Variants in TRPA1 observed in about 807,000 individuals in gnomAD.
TRPA1 encodes the protein ankyrin-like with transmembrane domains 1.
Under a neutral mutation model 131.3 loss-of-function variants are expected in TRPA1, and 129 were observed. The ratio of observed to expected loss-of-function variants is 0.98; its 90% CI spans 0.85 to 1.14. The LOEUF is 1.14. TRPA1 is among the 50% of genes most tolerant of loss of function. The pLI, the probability that TRPA1 is intolerant of heterozygous loss-of-function variation, is 0.00. For missense variants in TRPA1, 1,304 were observed against 1,354.2 expected (o/e 0.96, Z 0.58); for synonymous variants, 441 against 451.7 (o/e 0.98, Z 0.30).
intron 8 of TRPA1, among the ~76,000 whole-genome samples, chr8:72,059,004 T>C (rs1805740042): frequency 6.6e-6 from 1 of 152,176 alleles, no homozygotes; most frequent in African/African-American, 2.4e-5. Context: ...GGATAGGAGT[T>C]TCCCCCCGTG....
Position 72,046,512 on chromosome 8 carries a change from C to G in TRPA1, c.2061+1G>C, listed in dbSNP as rs773757888. The G allele has an allele frequency of 2.6e-6, 4 of 1,539,498 alleles. No individual in the cohort carries two copies. Among genetic ancestry groups the G allele is most frequent in the East Asian group, 4.5e-5 (2 of 44,040 alleles). On this transcript the variant is annotated splice_donor_variant, in intron 17 of 26. Transcript: ENST00000262209. LOFTEE classifies it high-confidence loss of function. Reference sequence around the variant, plus strand: ...TTAGATAATGAAAACATTGAACTTACGTTGAGGGCTGTAAGCGGTTCATAT... The same window carrying G: ...TTAGATAATGAAAACATTGAACTTAGGTTGAGGGCTGTAAGCGGTTCATAT...
At chr8:72,034,749 C>T (rs1811967350) in intron 21 of TRPA1, among the ~76,000 whole-genome samples, 1 of 152,126 alleles carries the variant, frequency 6.6e-6, no homozygotes, top group Admixed American at 6.5e-5. Flanking sequence ...CAGGCATCAC[C>T]CCCAGGCTGA....
chr8:72,037,945 A>C (rs768938438), intron 20 of TRPA1, 38 bp downstream of exon 20: 6 of 1,239,268 alleles, frequency 4.8e-6, no homozygotes, highest in South Asian at 3.7e-5. Flanking sequence ...GCATATGAAA[A>C]TATGTGCAAC....
chr8:72,057,114 A>G, intron 9 of TRPA1, 97 bp from the exon 10 acceptor site: 1 of 924,362 alleles, frequency 1.1e-6, no homozygotes. Flanking sequence ...TTGACTAAAA[A>G]TATTGTCGAC....
At chr8:72,025,846 C>T in intron 25 of TRPA1, 114 bp downstream of exon 25, 10 of 877,808 alleles carry the variant, frequency 1.1e-5, no homozygotes, top group Non-Finnish European at 1.9e-5. Context: ...AACTCCTCTG[C>T]CCACAGGCAG....
chr8:72,066,415 T>C (rs968764469), intron 3 of TRPA1, among the ~76,000 whole-genome samples: 2 of 152,232 alleles, frequency 1.3e-5, no homozygotes, highest in Non-Finnish European at 2.9e-5. Context: ...CATGTCCTTA[T>C]AATTAAATAA....
At chr8:72,081,864 C>T in the TRPA1 span, among the ~76,000 whole-genome samples, 7 of 151,844 alleles carry the variant, frequency 4.6e-5, no homozygotes, top group East Asian at 1.3e-3. Flanking sequence ...TAATTTTAAT[C>T]TATTTGTTTT....
intron 8 of TRPA1, among the ~76,000 whole-genome samples, chr8:72,058,338 T>A (rs1805724305): frequency 6.6e-6 from 1 of 152,110 alleles, no homozygotes; most frequent in South Asian, 2.1e-4. Context: ...TTAAGAAAAT[T>A]TATATTTAAA....
At chr8:72,045,754 A>C (rs1812408187) in intron 17 of TRPA1, among the ~76,000 whole-genome samples, 1 of 151,818 alleles carries the variant, frequency 6.6e-6, no homozygotes, top group African/African-American at 2.4e-5. Flanking sequence ...CTTGGCTGTT[A>C]CTGTTTTCTC....
At chr8:72,064,594 T>C (rs567045071) in intron 4 of TRPA1, among the ~76,000 whole-genome samples, 3 of 152,278 alleles carry the variant, frequency 2.0e-5, no homozygotes, top group East Asian at 3.9e-4. Flanking sequence ...TACCTATCTC[T>C]AAGTCCATCT....
In TRPA1 at chr8:72,075,340, C is replaced by CCT; in HGVS notation, c.68_69dup (p.Asp24ArgfsTer34). ...AAATCCTCCGTGTCGTCCGGCACATCCTCATAGACAACGCCCTGGGGCTCC... is the reference window on the plus strand; with the variant it reads ...AAATCCTCCGTGTCGTCCGGCACATCCTCTCATAGACAACGCCCTGGGGCTCC... On this transcript the variant is annotated frameshift_variant, in exon 1 of 27. Transcript: ENST00000262209. LOFTEE classifies it high-confidence loss of function. 6.2e-7 allele frequency: 1 copy of CCT among 1,613,362 alleles called. No homozygotes were observed. Among genetic ancestry groups the CCT allele is most frequent in the Non-Finnish European group, 8.5e-7 (1 of 1,179,846 alleles).
At chr8:72,061,842 T>A in intron 6 of TRPA1, 81 bp from the exon 7 acceptor site, 2 of 1,444,994 alleles carry the variant, frequency 1.4e-6, no homozygotes, top group Non-Finnish European at 1.9e-6. Context: ...GAGCTTTTTC[T>A]TCCCAGGTTC....
At chr8:72,052,066 CT>C (rs559657182) in intron 14 of TRPA1, among the ~76,000 whole-genome samples, 1 of 152,188 alleles carries the variant, frequency 6.6e-6, no homozygotes, top group South Asian at 2.1e-4. Context: ...CATTGCATGG[CT>C]GTATCAAAGC....
chr8:72,053,032 AGAG>A, intron 13 of TRPA1: 1 of 388,220 alleles, frequency 2.6e-6, no homozygotes. Context: ...AGAGAGAGAG[AGAG>A]AGAGAGAGAA....
chr8:72,030,917 T>C (rs1292118496), intron 23 of TRPA1, among the ~76,000 whole-genome samples: 1 of 152,232 alleles, frequency 6.6e-6, no homozygotes, highest in Non-Finnish European at 1.5e-5. Flanking sequence ...ATTTCACTCA[T>C]CCATTTATTT....
intron 17 of TRPA1, among the ~76,000 whole-genome samples, chr8:72,042,853 G>A (rs1812299624): frequency 1.3e-5 from 2 of 151,800 alleles, no homozygotes; most frequent in Non-Finnish European, 3.0e-5. Flanking sequence ...AGTACCTAAG[G>A]TGGAGAAAAA....
chr8:72,039,196 G>A (rs938912975), intron 18 of TRPA1, among the ~76,000 whole-genome samples, 169 bp from the exon 19 acceptor site: 3 of 151,966 alleles, frequency 2.0e-5, no homozygotes, highest in Non-Finnish European at 2.9e-5. Flanking sequence ...TTCAGAGAAG[G>A]AACCTCAAGT....
At chr8:72,065,387 T>G (rs1258133242) in intron 4 of TRPA1, 64 bp downstream of exon 4, 2 of 1,290,828 alleles carry the variant, frequency 1.5e-6, no homozygotes, top group Non-Finnish European at 1.1e-6. Context: ...TTGTAAATAA[T>G]AATAATCCAT....
intron 14 of TRPA1, among the ~76,000 whole-genome samples, chr8:72,051,219 T>C (rs1190305712): frequency 2.6e-5 from 4 of 152,164 alleles, no homozygotes; most frequent in Non-Finnish European, 5.9e-5. Flanking sequence ...CCACGTTGGG[T>C]AGAGATTCCA....
Sources: gnomAD v4.1 joint callset for allele counts (sites outside exome capture counted in the v4.1 genomes callset) on GRCh38, gnomAD v4.1.1 for gene constraint, MANE v1.5 for transcripts, NCBI Gene and HGNC (gene_info 2026-07-23, HGNC 2026-07-21) for gene names.